RHOBTB1: variants seen among roughly 807,000 people sequenced by gnomAD.
RHOBTB1 encodes Rho related BTB domain containing 1, also known as rho-related BTB domain-containing protein 1.
A neutral mutation model predicts 71.6 loss-of-function variants in RHOBTB1; 40 were observed. The observed-to-expected ratio is 0.56, with a 90% CI of 0.43 to 0.73. RHOBTB1 has a LOEUF of 0.73. RHOBTB1 is among the 30% of genes least tolerant of loss of function. The pLI is 0.00. For synonymous variants in RHOBTB1, 319 were observed against 334.9 expected (o/e 0.95, Z 0.52); for missense variants, 797 against 894.0 (o/e 0.89, Z 1.38).
chr10:60,928,085 C>T (rs2083997848), intron 2 of RHOBTB1, among the ~76,000 whole-genome samples: 1 of 152,008 alleles, frequency 6.6e-6, no homozygotes, highest in African/African-American at 2.4e-5. Context: ...CAACATCATT[C>T]GTCATCAGAG....
At chr10:60,932,966 A>G (rs2084346965) in intron 2 of RHOBTB1, among the ~76,000 whole-genome samples, 1 of 152,242 alleles carries the variant, frequency 6.6e-6, no homozygotes, top group Non-Finnish European at 1.5e-5. Flanking sequence ...TGGTCTTCTG[A>G]TACAATGACA....
rs573073364 is a variant in RHOBTB1, at chr10:60,870,257, G to C, written c.*1225C>G. On this transcript the variant is annotated 3_prime_UTR_variant, in exon 11 of 11. Coordinates refer to ENST00000337910, the MANE Select transcript of RHOBTB1 (RefSeq NM_014836.5). ...AACACTGAAAACTCAGAATGAGAAA[G>C]AGTCAGAACGAACTCACAATAGCAC... is the stretch of plus-strand genomic sequence containing the variant. The C allele has an allele frequency of 6.6e-6, 1 of 151,992 alleles. No individual in the cohort carries two copies. Among genetic ancestry groups the C allele is most frequent in the Non-Finnish European group, 1.5e-5 (1 of 67,940 alleles). 9.4% of individuals were successfully genotyped at this position (151,992 alleles called of 1,614,324 possible).
At chr10:60,982,250 C>T (rs1480323523) in intron 2 of RHOBTB1, among the ~76,000 whole-genome samples, 1 of 152,078 alleles carries the variant, frequency 6.6e-6, no homozygotes, top group Non-Finnish European at 1.5e-5. Context: ...TATATATTGG[C>T]CACTTCAAGT....
At chr10:60,949,576 C>A (rs571216125) in intron 2 of RHOBTB1, among the ~76,000 whole-genome samples, 12 of 148,892 alleles carry the variant, frequency 8.1e-5, no homozygotes, top group African/African-American at 2.7e-4. Flanking sequence ...AAAGTGATGT[C>A]TTTTTCCTAA....
chr10:60,931,928 A>G (rs2084278913), intron 2 of RHOBTB1, among the ~76,000 whole-genome samples: 1 of 152,204 alleles, frequency 6.6e-6, no homozygotes, highest in South Asian at 2.1e-4. Context: ...TGAGCATTCA[A>G]AAGGAATACT....
intron 9 of RHOBTB1, 40 bp downstream of exon 9, chr10:60,874,914 T>G (rs970964737): frequency 7.5e-7 from 1 of 1,331,656 alleles, no homozygotes; most frequent in African/African-American, 1.4e-5. Context: ...AATGAACTGA[T>G]TGAACACACT....
chr10:60,909,369 A>C (rs988242197), intron 4 of RHOBTB1, among the ~76,000 whole-genome samples: 2 of 152,038 alleles, frequency 1.3e-5, no homozygotes, highest in Non-Finnish European at 2.9e-5. Flanking sequence ...ATAAATTTCT[A>C]GTGGCAACAA....
intron 1 of RHOBTB1, among the ~76,000 whole-genome samples, 174 bp from the exon 2 acceptor site, chr10:60,942,028 T>C (rs1371267098): frequency 6.6e-6 from 1 of 151,852 alleles, no homozygotes; most frequent in Non-Finnish European, 1.5e-5. Context: ...GTCAAATACA[T>C]CCTGAAATAG....
chr10:60,982,407 G>C (rs1002520024), intron 2 of RHOBTB1, among the ~76,000 whole-genome samples: 1 of 152,098 alleles, frequency 6.6e-6, no homozygotes, highest in Non-Finnish European at 1.5e-5. Flanking sequence ...AGATTTTTGA[G>C]GGTGTATTGT....
chr10:60,863,127 TAGAA>T, the RHOBTB1 span, among the ~76,000 whole-genome samples: 4 of 152,180 alleles, frequency 2.6e-5, no homozygotes, highest in African/African-American at 9.7e-5. Flanking sequence ...TGGCCTTTTT[TAGAA>T]AGAAATTGCT....
intron 4 of RHOBTB1, among the ~76,000 whole-genome samples, chr10:60,900,719 T>C (rs2082375644): frequency 6.6e-6 from 1 of 152,158 alleles, no homozygotes. Context: ...AACAGATGAA[T>C]TTAGGCTTAA....
At chr10:60,896,976 G>A (rs960125201) in intron 4 of RHOBTB1, among the ~76,000 whole-genome samples, 1 of 149,062 alleles carries the variant, frequency 6.7e-6, no homozygotes, top group Non-Finnish European at 1.5e-5. Flanking sequence ...ACAAAAAAAA[G>A]CATTTTTTTT....
At position 60,871,217 on chromosome 10, in the gene RHOBTB1, T is replaced by C. The variant is rs888671329; in HGVS notation, c.*265A>G. On this transcript the variant is annotated 3_prime_UTR_variant, in exon 11 of 11. Coordinates refer to ENST00000337910, the MANE Select transcript of RHOBTB1 (RefSeq NM_014836.5). The stretch of plus-strand genomic sequence containing the variant: ...AAAGAAACAAAATAACAGACTAAAG[T>C]TTATTAAGCCTCCTAACAAAAAAAA... 2.9e-6 allele frequency: 1 copy of C among 341,058 alleles called. No individual in the cohort carries two copies. The highest frequency in any genetic ancestry group is 2.1e-5 in the African/African-American group (1 of 47,258). The allele number at this position is 341,058 out of a possible 1,614,324, so 21.1% of individuals were successfully genotyped here. A position where few individuals can be genotyped will look rare whatever the true frequency, so the allele number is the denominator to read the frequency against.
At chr10:60,871,855 C>T (rs566608219) in intron 10 of RHOBTB1, among the ~76,000 whole-genome samples, 1 of 152,136 alleles carries the variant, frequency 6.6e-6, no homozygotes. Flanking sequence ...GCACAGAGAA[C>T]CTGAACCCAG....
At chr10:60,912,216 TATATATATACACACACAC>T (rs990299452) in intron 2 of RHOBTB1, among the ~76,000 whole-genome samples, 2 of 151,424 alleles carry the variant, frequency 1.3e-5, no homozygotes, top group African/African-American at 4.9e-5. Flanking sequence ...TATATATGTG[TATATATATACACACACAC>T]ATATATATAT....
At chr10:60,920,543 C>T (rs2083500717) in intron 2 of RHOBTB1, among the ~76,000 whole-genome samples, 1 of 151,340 alleles carries the variant, frequency 6.6e-6, no homozygotes, top group East Asian at 1.9e-4. Flanking sequence ...AGGCCATAGT[C>T]AGGAGTTTGG....
chr10:60,961,638 T>TA (rs373839596), intron 2 of RHOBTB1, among the ~76,000 whole-genome samples: 3 of 152,190 alleles, frequency 2.0e-5, no homozygotes, highest in African/African-American at 4.8e-5. Flanking sequence ...CTCAAATTCT[T>TA]AGAGATGGGG....
chr10:60,997,597 C>T (rs1271840934), intron 1 of RHOBTB1, among the ~76,000 whole-genome samples: 2 of 152,196 alleles, frequency 1.3e-5, no homozygotes, highest in Admixed American at 6.5e-5. Flanking sequence ...TTTAATCTAT[C>T]ACACCAGTGT....
At chr10:60,908,901 G>GT (rs900389616) in intron 4 of RHOBTB1, among the ~76,000 whole-genome samples, 6 of 152,172 alleles carry the variant, frequency 3.9e-5, no homozygotes, top group African/African-American at 1.4e-4. Flanking sequence ...ACACAGGAGT[G>GT]TTCCTGAAGC....
Sources: gnomAD v4.1 joint callset for allele counts (sites outside exome capture counted in the v4.1 genomes callset) on GRCh38, gnomAD v4.1.1 for gene constraint, MANE v1.5 for transcripts, NCBI Gene and HGNC (gene_info 2026-07-23, HGNC 2026-07-21) for gene names.